The following FAM110B variants were observed in gnomAD, a reference collection of about 807,000 sequenced individuals.
FAM110B encodes family with sequence similarity 110 member B, also known as protein FAM110B.
FAM110B carries 6 observed loss-of-function variants against 20.4 expected under a neutral mutation model. The ratio of observed to expected loss-of-function variants is 0.29; its 90% CI spans 0.16 to 0.58. FAM110B has a LOEUF of 0.58. FAM110B is among the 20% of genes least tolerant of loss of function. The probability of loss-of-function intolerance (pLI) is 0.90; values close to 1 mark genes in which losing one functional copy is unlikely to be tolerated. For missense variants in FAM110B, 434 were observed against 498.2 expected (o/e 0.87, Z 1.23); for synonymous variants, 226 against 214.1 (o/e 1.06, Z -0.49).
intron 2 of FAM110B, among the ~76,000 whole-genome samples, chr8:58,066,521 A>G (rs1475499908): frequency 6.6e-6 from 1 of 152,096 alleles, no homozygotes; most frequent in African/African-American, 2.4e-5. Context: ...CAGCTGAGTA[A>G]GTGTCTGGTA....
chr8:58,115,904 C>A (rs1043376239), intron 3 of FAM110B, among the ~76,000 whole-genome samples: 1 of 152,114 alleles, frequency 6.6e-6, no homozygotes, highest in Non-Finnish European at 1.5e-5. Context: ...GATTTGGAAG[C>A]CAGAGAAAGG....
intron 1 of FAM110B, among the ~76,000 whole-genome samples, chr8:57,996,990 A>G (rs1373852435): frequency 6.6e-6 from 1 of 152,210 alleles, no homozygotes; most frequent in Non-Finnish European, 1.5e-5. Flanking sequence ...ATTTTAAATG[A>G]TTGTCAGGAG....
At chr8:58,032,176 T>G (rs1242791186) in intron 2 of FAM110B, 4 of 152,218 alleles carry the variant, frequency 2.6e-5, no homozygotes, top group African/African-American at 9.6e-5. Context: ...TCACTTGCAG[T>G]GGCTTTTTTA....
intron 3 of FAM110B, among the ~76,000 whole-genome samples, chr8:58,131,484 C>CT (rs1803463720): frequency 1.3e-5 from 2 of 152,194 alleles, no homozygotes; most frequent in African/African-American, 4.8e-5. Flanking sequence ...TTACCAGCCT[C>CT]TAACTATTAC....
chr8:58,082,036 AAAT>A (rs1397667843), intron 3 of FAM110B, among the ~76,000 whole-genome samples: 2 of 152,178 alleles, frequency 1.3e-5, no homozygotes, highest in Non-Finnish European at 2.9e-5. Flanking sequence ...GGGGATGAAT[AAAT>A]AAGCCTTGCC....
chr8:58,113,846 T>G (rs1354048820), intron 3 of FAM110B, among the ~76,000 whole-genome samples: 2 of 152,220 alleles, frequency 1.3e-5, no homozygotes, highest in Non-Finnish European at 2.9e-5. Flanking sequence ...TGTAATTGCT[T>G]TAGATTCATG....
chr8:58,146,501 C>G lies in FAM110B; in HGVS notation c.271C>G (p.Arg91Gly), dbSNP rs1480782102. 3 of 1,613,838 alleles carry G rather than the reference C, an allele frequency of 1.9e-6. No homozygotes were observed. Among genetic ancestry groups the G allele is most frequent in the Non-Finnish European group, 2.5e-6 (3 of 1,179,888 alleles). The change falls in exon 4 of 4, where the codon CGC (arginine) becomes GGC (glycine). Residue 91 changes from arginine to glycine, a missense_variant. Physicochemically the swap from Arg to Gly is moderately radical, Grantham distance 125. Transcript: ENST00000519262. ...AKPPVCPAAK[R>G]ALGSPTLKVF... ...GCCCCCGGTGTGCCCGGCTGCCAAG[C>G]GCGCACTGGGCAGCCCCACGCTCAA... is the stretch of plus-strand genomic sequence containing the variant.
chr8:58,097,190 A>G lies in FAM110B; in HGVS notation c.-325+21567A>G, dbSNP rs111509191. ...ACTTTCAGGTACACCAATCAGACAT[A>G]GACTTGGTCTTTTCACATAGTCCCA... is the stretch of plus-strand genomic sequence containing the variant. On this transcript the variant is annotated intron_variant, in intron 3 of 3. Transcript: ENST00000519262. 0.014 allele frequency among the ~76,000 whole-genome samples: 2,082 copies of G among 152,290 alleles called. 91 individuals carry two copies. In the East Asian group the frequency reaches 0.16, roughly 12 times the overall value.
chr8:58,034,336 G>A (rs1446343971), intron 2 of FAM110B, among the ~76,000 whole-genome samples: 2 of 152,188 alleles, frequency 1.3e-5, no homozygotes, highest in Non-Finnish European at 2.9e-5. Context: ...TGGGCAGGGG[G>A]AGTGTCCCAG....
intron 2 of FAM110B, among the ~76,000 whole-genome samples, chr8:58,056,614 T>C (rs570226146): frequency 5.9e-5 from 9 of 152,350 alleles, no homozygotes; most frequent in African/African-American, 2.2e-4. Flanking sequence ...AACATGAAGG[T>C]TGGATTTGCT....
chr8:58,138,192 C>G (rs1453070846), intron 3 of FAM110B, among the ~76,000 whole-genome samples: 1 of 152,216 alleles, frequency 6.6e-6, no homozygotes, highest in Non-Finnish European at 1.5e-5. Context: ...AGAGCTGGTT[C>G]TCTCTGGGAG....
intron 2 of FAM110B, among the ~76,000 whole-genome samples, chr8:58,036,326 C>G (rs1805073399): frequency 6.6e-6 from 1 of 152,180 alleles, no homozygotes; most frequent in African/African-American, 2.4e-5. Flanking sequence ...AGGAGAGAGC[C>G]AGGCTCAGCC....
At chr8:58,132,089 G>C (rs570556353) in intron 3 of FAM110B, among the ~76,000 whole-genome samples, 1 of 150,826 alleles carries the variant, frequency 6.6e-6, no homozygotes, top group African/African-American at 2.5e-5. Flanking sequence ...GGAGGGTGTC[G>C]CCACATTTTG....
At chr8:58,101,444 C>A (rs1449918424) in intron 3 of FAM110B, among the ~76,000 whole-genome samples, 1 of 152,152 alleles carries the variant, frequency 6.6e-6, no homozygotes, top group Admixed American at 6.5e-5. Flanking sequence ...ATAAATTAAT[C>A]GTTTTTAAAC....
chr8:58,010,687 T>C (rs769214801), intron 1 of FAM110B, among the ~76,000 whole-genome samples: 1 of 152,136 alleles, frequency 6.6e-6, no homozygotes, highest in Non-Finnish European at 1.5e-5. Flanking sequence ...GAGGCACATG[T>C]GTGTAGGGTG....
At chr8:58,113,997 T>C (rs1173626252) in intron 3 of FAM110B, among the ~76,000 whole-genome samples, 1 of 152,236 alleles carries the variant, frequency 6.6e-6, no homozygotes, top group Non-Finnish European at 1.5e-5. Context: ...AATCTGTGTT[T>C]TAAAGTAACT....
At chr8:58,015,240 G>A (rs749581073) in intron 1 of FAM110B, among the ~76,000 whole-genome samples, 2 of 151,806 alleles carry the variant, frequency 1.3e-5, no homozygotes, top group Non-Finnish European at 1.5e-5. Context: ...GCCTGTTATC[G>A]CAGCTACTCG....
At chr8:58,016,480 T>C (rs1238801892) in intron 1 of FAM110B, among the ~76,000 whole-genome samples, 3 of 152,318 alleles carry the variant, frequency 2.0e-5, no homozygotes, top group Admixed American at 1.3e-4. Flanking sequence ...GCTCTTTGAC[T>C]GGAGAGTTGA....
rs574615065 is a variant in FAM110B, at chr8:58,046,118, T to C, written c.-414+14415T>C. The stretch of plus-strand genomic sequence containing the variant: ...CCATGCTGATTAGGTGAATTTTTTT[T>C]CTGCTATGATCTTATTGTTAACATA... On this transcript the variant is annotated intron_variant, in intron 2 of 3. Transcript: ENST00000519262. Among the ~76,000 whole-genome samples the C allele has an allele frequency of 8.5e-5, 13 of 152,320 alleles. No individual in the cohort carries two copies. The East Asian group carries it at 1.2e-3, about 14-fold the overall frequency.
Sources: gnomAD v4.1 joint callset for allele counts (sites outside exome capture counted in the v4.1 genomes callset) on GRCh38, gnomAD v4.1.1 for gene constraint, MANE v1.5 for transcripts, NCBI Gene and HGNC (gene_info 2026-07-23, HGNC 2026-07-21) for gene names.